The following ATP8A2 variants were observed in gnomAD, a reference collection of about 807,000 sequenced individuals.
ATP8A2 encodes the protein ATPase phospholipid transporting 8A2, also known as phospholipid-transporting ATPase IB.
A neutral mutation model predicts 165.6 loss-of-function variants in ATP8A2; 100 were observed. The ratio of observed to expected loss-of-function variants is 0.60; its 90% CI spans 0.51 to 0.71. ATP8A2 has a LOEUF of 0.71. Among genes scored for constraint, ATP8A2 ranks in the 30% least tolerant of loss-of-function variants. The pLI, the probability that ATP8A2 is intolerant of heterozygous loss-of-function variation, is 0.00. For synonymous variants in ATP8A2, 543 were observed against 548.8 expected, an observed-to-expected ratio of 0.99 and a Z score of 0.15; for missense variants, 1,227 against 1,479.5, an observed-to-expected ratio of 0.83 and a Z score of 2.80.
intron 25 of ATP8A2, among the ~76,000 whole-genome samples, chr13:25,711,302 G>A (rs1038971441): frequency 6.6e-6 from 1 of 152,150 alleles, no homozygotes; most frequent in East Asian, 1.9e-4. Context: ...ACCGCGCCTG[G>A]CCAGTCCTGT....
Position 25,940,939 on chromosome 13 carries a change from G to C in ATP8A2, c.3184-20636G>C, listed in dbSNP as rs190574743. On this transcript the variant is annotated intron_variant, in intron 33 of 36. Coordinates refer to ENST00000381655, the MANE Select transcript of ATP8A2 (RefSeq NM_016529.6). ...AGGGTGAGCTGAGCTGATTCACAGA[G>C]AGGGCTGGGCACGTGCCATGGTGTG... 1.4e-4 allele frequency among the ~76,000 whole-genome samples: 22 copies of C among 152,354 alleles called. 1 individual carries two copies. Among genetic ancestry groups the C allele is most frequent in the Admixed American group, 1.3e-3 (20 of 15,310 alleles).
intron 33 of ATP8A2, among the ~76,000 whole-genome samples, chr13:25,943,922 G>A (rs1326483195): frequency 6.6e-6 from 1 of 152,140 alleles, no homozygotes; most frequent in Non-Finnish European, 1.5e-5. Flanking sequence ...GCTGTGTGCT[G>A]GAGGAATAGA....
chr13:25,946,527 T>C (rs1301754427), intron 33 of ATP8A2, among the ~76,000 whole-genome samples: 1 of 152,144 alleles, frequency 6.6e-6, no homozygotes, highest in African/African-American at 2.4e-5. Flanking sequence ...TGCAAGCTGA[T>C]ATAAATTATT....
intron 1 of ATP8A2, among the ~76,000 whole-genome samples, chr13:25,467,473 T>G (rs2035700416): frequency 6.6e-6 from 1 of 152,234 alleles, no homozygotes; most frequent in Non-Finnish European, 1.5e-5. Context: ...TAGCGAAAAC[T>G]TTCTCTTTAA....
chr13:26,024,634 A>G lies in ATP8A2; in HGVS notation c.*4649A>G, dbSNP rs1401631852. The stretch of plus-strand genomic sequence containing the variant: ...TCGGCTCTCCCAACTGAGGAGAGAC[A>G]AAAGAGGGATTCTTTTTACACCCAG... On this transcript the variant is annotated 3_prime_UTR_variant, in exon 37 of 37. Coordinates refer to ENST00000381655, the MANE Select transcript of ATP8A2 (RefSeq NM_016529.6). 6.6e-6 allele frequency: 1 copy of G among 152,252 alleles called. No homozygotes were observed. The highest frequency in any genetic ancestry group is 2.4e-5 in the African/African-American group (1 of 41,462). 9.4% of individuals were successfully genotyped at this position (152,252 alleles called of 1,614,324 possible). A position where few individuals can be genotyped will look rare whatever the true frequency, so the allele number is the denominator to read the frequency against.
At chr13:25,664,641 T>C (rs1283695779) in intron 24 of ATP8A2, among the ~76,000 whole-genome samples, 1 of 152,054 alleles carries the variant, frequency 6.6e-6, no homozygotes, top group Admixed American at 6.6e-5. Context: ...CTCTGATGGG[T>C]CTTGTGCATC....
chr13:25,483,921 C>T (rs539377617), intron 2 of ATP8A2, among the ~76,000 whole-genome samples: 1 of 152,092 alleles, frequency 6.6e-6, no homozygotes, highest in South Asian at 2.1e-4. Context: ...AGCTGTAACT[C>T]GGGGAAAAGG....
intron 35 of ATP8A2, among the ~76,000 whole-genome samples, chr13:26,010,380 C>T (rs2139350321): frequency 6.6e-6 from 1 of 152,330 alleles, no homozygotes; most frequent in South Asian, 2.1e-4. Flanking sequence ...GGCATGGGGG[C>T]AGAGCCTAGT....
At position 25,589,696 on chromosome 13, in the gene ATP8A2, G is replaced by A. The variant is rs770710569; in HGVS notation, c.2208G>A (p.Leu736=). ...MALILLKEDS[L]DATRAAITQH... ...TTATCCTATTGAAGGAGGACTCTTT[G>A]GATGTAAGTAGTTTTTCAAAGTTGT... The change falls in exon 24 of 37, where the codon TTG becomes TTA. Residue 736 remains leucine, a synonymous_variant. Coordinates refer to ENST00000381655, the MANE Select transcript of ATP8A2 (RefSeq NM_016529.6). 3 of 1,602,234 alleles carry A rather than the reference G, an allele frequency of 1.9e-6. No individual in the cohort carries two copies. Among genetic ancestry groups the A allele is most frequent in the Non-Finnish European group, 2.6e-6 (3 of 1,170,388 alleles).
At chr13:25,792,519 C>T (rs2045205212) in intron 27 of ATP8A2, among the ~76,000 whole-genome samples, 1 of 152,098 alleles carries the variant, frequency 6.6e-6, no homozygotes, top group African/African-American at 2.4e-5. Flanking sequence ...GTATTATTTA[C>T]CGACTACCAC....
chr13:25,942,589 A>C, intron 33 of ATP8A2, among the ~76,000 whole-genome samples: 1 of 152,044 alleles, frequency 6.6e-6, no homozygotes, highest in Admixed American at 6.5e-5. Flanking sequence ...CACCCAGCTA[A>C]TTTTTTGTGT....
intron 30 of ATP8A2, among the ~76,000 whole-genome samples, chr13:25,843,382 G>C (rs1261892497): frequency 1.3e-5 from 2 of 151,458 alleles, no homozygotes; most frequent in Admixed American, 1.3e-4. Flanking sequence ...GACTGCTCAT[G>C]CCCCCCCCGC....
At chr13:25,587,543 C>T (rs562564305) in intron 23 of ATP8A2, among the ~76,000 whole-genome samples, 1 of 152,274 alleles carries the variant, frequency 6.6e-6, no homozygotes, top group South Asian at 2.1e-4. Flanking sequence ...CAAGCGAGGG[C>T]TTAAAAATTA....
At chr13:25,487,233 C>T (rs1340811921) in intron 2 of ATP8A2, among the ~76,000 whole-genome samples, 1 of 152,198 alleles carries the variant, frequency 6.6e-6, no homozygotes, top group East Asian at 1.9e-4. Flanking sequence ...TTGTATTCCA[C>T]AGGCTGTCAT....
At chr13:25,888,068 A>ACCCCCCCCCCCC (rs71080210) in intron 33 of ATP8A2, among the ~76,000 whole-genome samples, 24 of 105,670 alleles carry the variant, frequency 2.3e-4, no homozygotes, top group Non-Finnish European at 3.1e-4. Flanking sequence ...AAGAACCCAG[A>ACCCCCCCCCCCC]CCCCCCCCCC....
chr13:25,427,710 A>G (rs900938479), intron 1 of ATP8A2, among the ~76,000 whole-genome samples: 12 of 151,798 alleles, frequency 7.9e-5, no homozygotes, highest in African/African-American at 2.9e-4. Flanking sequence ...GCTGGCCAAC[A>G]TGGTGAAACC....
intron 27 of ATP8A2, among the ~76,000 whole-genome samples, chr13:25,804,864 T>C (rs1207142209): frequency 6.6e-6 from 1 of 152,166 alleles, no homozygotes; most frequent in African/African-American, 2.4e-5. Context: ...AGAAGCTAGC[T>C]GAGGTTTAAG....
chr13:25,781,789 C>T (rs1019069744), intron 27 of ATP8A2, among the ~76,000 whole-genome samples: 2 of 152,118 alleles, frequency 1.3e-5, no homozygotes, highest in Admixed American at 6.6e-5. Flanking sequence ...CCCCTTTGCC[C>T]GACCTTCAAA....
chr13:25,714,123 AAAGGAAGG>A (rs71808617), intron 25 of ATP8A2, among the ~76,000 whole-genome samples: 3 of 151,348 alleles, frequency 2.0e-5, no homozygotes, highest in Admixed American at 6.6e-5. Flanking sequence ...TAAAAGAAAG[AAAGGAAGG>A]AAGGAAGGAA....
Sources: allele counts gnomAD v4.1 joint callset (sites outside exome capture counted in the v4.1 genomes callset), GRCh38; gene constraint gnomAD v4.1.1; transcripts MANE v1.5; gene names NCBI Gene and HGNC (gene_info 2026-07-23, HGNC 2026-07-21).